OSBPL1A: variants seen among roughly 807,000 people sequenced by gnomAD.
OSBPL1A encodes oxysterol-binding protein-related protein 1.
A neutral mutation model predicts 137.1 loss-of-function variants in OSBPL1A; 80 were observed. That is an observed-to-expected ratio of 0.58 (90% CI 0.49 to 0.70). The LOEUF (loss-of-function observed/expected upper bound fraction) is 0.70, where lower values mean the gene tolerates loss of function less well. OSBPL1A is among the 30% of genes least tolerant of loss of function. The pLI, the probability that OSBPL1A is intolerant of heterozygous loss-of-function variation, is 0.00. For synonymous variants in OSBPL1A, 365 were observed against 389.7 expected, an observed-to-expected ratio of 0.94 and a Z score of 0.75; for missense variants, 970 against 1,129.4, an observed-to-expected ratio of 0.86 and a Z score of 2.02.
chr18:24,297,543 T>A (rs1420058919), intron 14 of OSBPL1A, among the ~76,000 whole-genome samples: 1 of 152,218 alleles, frequency 6.6e-6, no homozygotes, highest in African/African-American at 2.4e-5. Flanking sequence ...CTACGAACTT[T>A]CCTCTTAGCA....
chr18:24,263,672 G>A (rs992790650), intron 15 of OSBPL1A, among the ~76,000 whole-genome samples: 1 of 152,124 alleles, frequency 6.6e-6, no homozygotes. Flanking sequence ...GTTGCACTCT[G>A]TCACCCAGGC....
At chr18:24,309,943 A>C (rs536967145) in intron 13 of OSBPL1A, among the ~76,000 whole-genome samples, 21 of 149,952 alleles carry the variant, frequency 1.4e-4, no homozygotes, top group Admixed American at 4.7e-4. Flanking sequence ...GCTACTCAGG[A>C]GGCTGAGGCG....
intron 17 of OSBPL1A, among the ~76,000 whole-genome samples, chr18:24,215,166 T>C (rs562633000): frequency 6.6e-6 from 1 of 152,214 alleles, no homozygotes; most frequent in East Asian, 1.9e-4. Flanking sequence ...GTAAAATACC[T>C]GTCCTGCAAA....
chr18:24,282,167 G>C (rs1599610170), intron 14 of OSBPL1A, among the ~76,000 whole-genome samples: 1 of 146,472 alleles, frequency 6.8e-6, no homozygotes, highest in South Asian at 2.2e-4. Flanking sequence ...TGCCCTACAA[G>C]AATCACCAAG....
chr18:24,235,703 G>T (rs2088447151), intron 16 of OSBPL1A, among the ~76,000 whole-genome samples: 1 of 152,244 alleles, frequency 6.6e-6, no homozygotes, highest in Non-Finnish European at 1.5e-5. Context: ...AGCTGAATAT[G>T]TAAGTCTCTA....
At chr18:24,237,614 T>C (rs1318505949) in intron 16 of OSBPL1A, among the ~76,000 whole-genome samples, 9 of 152,318 alleles carry the variant, frequency 5.9e-5, no homozygotes, top group Admixed American at 5.2e-4. Context: ...TCATAAAGTT[T>C]TATTTTTAAA....
intron 1 of OSBPL1A, among the ~76,000 whole-genome samples, chr18:24,391,957 G>A (rs1424593781): frequency 6.6e-6 from 1 of 152,094 alleles, no homozygotes; most frequent in East Asian, 1.9e-4. Flanking sequence ...CTGGGCTCAA[G>A]TGATCCTCCC....
chr18:24,195,536 C>G (rs2087005911), intron 18 of OSBPL1A, among the ~76,000 whole-genome samples: 2 of 152,086 alleles, frequency 1.3e-5, no homozygotes, highest in African/African-American at 4.8e-5. Flanking sequence ...TTCGGTGGTC[C>G]AAGGTCACAC....
intron 16 of OSBPL1A, among the ~76,000 whole-genome samples, chr18:24,230,236 C>G (rs1340902691): frequency 6.6e-6 from 1 of 152,016 alleles, no homozygotes; most frequent in Non-Finnish European, 1.5e-5. Flanking sequence ...GCTTTCAGGA[C>G]AAACAAGGAG....
At chr18:24,334,638 G>A (rs2091140588) in intron 5 of OSBPL1A, among the ~76,000 whole-genome samples, 1 of 152,232 alleles carries the variant, frequency 6.6e-6, no homozygotes, top group South Asian at 2.1e-4. Context: ...GGAAAGGTAG[G>A]TAAGTGGGGT....
At chr18:24,285,099 G>A (rs1317742782) in intron 14 of OSBPL1A, among the ~76,000 whole-genome samples, 1 of 152,146 alleles carries the variant, frequency 6.6e-6, no homozygotes, top group Non-Finnish European at 1.5e-5. Context: ...CATGGGACAT[G>A]ACAGCAGCTG....
intron 3 of OSBPL1A, chr18:24,367,992 T>G (rs570351775): frequency 4.8e-6 from 1 of 210,182 alleles, no homozygotes; most frequent in South Asian, 1.6e-4. Flanking sequence ...GCTTTGGTTA[T>G]TTTTTCAACT....
intron 15 of OSBPL1A, among the ~76,000 whole-genome samples, chr18:24,261,864 A>T (rs571306134): frequency 2.2e-4 from 34 of 152,222 alleles, no homozygotes; most frequent in African/African-American, 7.0e-4. Context: ...AAAATAAAAA[A>T]TTTTTTCAAA....
intron 18 of OSBPL1A, among the ~76,000 whole-genome samples, chr18:24,193,496 A>AAG (rs1211821369): frequency 6.6e-6 from 1 of 152,030 alleles, no homozygotes; most frequent in African/African-American, 2.4e-5. Context: ...TCAAAAAAAA[A>AAG]AAAAAAAAGT....
intron 17 of OSBPL1A, among the ~76,000 whole-genome samples, chr18:24,222,442 T>C (rs2087922776): frequency 6.6e-6 from 1 of 152,128 alleles, no homozygotes; most frequent in East Asian, 1.9e-4. Flanking sequence ...TGCTAACAAG[T>C]TAGAAGATTA....
At chr18:24,256,689 T>C (rs1044212989) in intron 15 of OSBPL1A, among the ~76,000 whole-genome samples, 28 of 152,122 alleles carry the variant, frequency 1.8e-4, no homozygotes, top group Admixed American at 1.8e-3. Context: ...TGTTTGCAGA[T>C]GATATGAACT....
intron 7 of OSBPL1A, among the ~76,000 whole-genome samples, chr18:24,320,468 C>CA (rs1309423871): frequency 6.6e-6 from 1 of 152,034 alleles, no homozygotes; most frequent in African/African-American, 2.4e-5. Flanking sequence ...AAGAAGGATC[C>CA]AGCCTTGTGA....
chr18:24,368,599 T>C (rs1417173506), intron 2 of OSBPL1A: 3 of 428,454 alleles, frequency 7.0e-6, no homozygotes, highest in African/African-American at 5.9e-5. Context: ...TCTAAAGGGA[T>C]AGAGGGAGAC....
chr18:24,333,929 A>G (rs1555652457), intron 6 of OSBPL1A, among the ~76,000 whole-genome samples: 1 of 152,092 alleles, frequency 6.6e-6, no homozygotes, highest in Non-Finnish European at 1.5e-5. Context: ...AAATATATGT[A>G]ATATATATAT....
Sources: gnomAD v4.1 joint callset for allele counts (sites outside exome capture counted in the v4.1 genomes callset) on GRCh38, gnomAD v4.1.1 for gene constraint, MANE v1.5 for transcripts, NCBI Gene and HGNC (gene_info 2026-07-23, HGNC 2026-07-21) for gene names.